The following COL26A1 variants were observed in gnomAD, a reference collection of about 807,000 sequenced individuals.
COL26A1 encodes collagen type XXVI alpha 1 chain.
A neutral mutation model predicts 59.3 loss-of-function variants in COL26A1; 41 were observed. The observed-to-expected ratio is 0.69, with a 90% CI of 0.54 to 0.90. The LOEUF (loss-of-function observed/expected upper bound fraction) is 0.90, where lower values mean the gene tolerates loss of function less well. Among genes scored for constraint, COL26A1 ranks in the 40% least tolerant of loss-of-function variants. The pLI, the probability that COL26A1 is intolerant of heterozygous loss-of-function variation, is 0.00. For missense variants in COL26A1, 612 were observed against 602.3 expected, an observed-to-expected ratio of 1.02 and a Z score of -0.17; for synonymous variants, 266 against 256.0, an observed-to-expected ratio of 1.04 and a Z score of -0.37.
intron 1 of COL26A1, among the ~76,000 whole-genome samples, chr7:101,384,413 A>T (rs1018793238): frequency 2.6e-5 from 4 of 151,830 alleles, no homozygotes; most frequent in African/African-American, 9.7e-5. Context: ...TTTTTAGTAG[A>T]GATGGGGTTT....
intron 1 of COL26A1, among the ~76,000 whole-genome samples, chr7:101,376,391 AG>A (rs1165337678): frequency 6.6e-5 from 10 of 152,144 alleles, no homozygotes; most frequent in Non-Finnish European, 1.5e-4. Context: ...GCCTTTTGCC[AG>A]GGTGGTGTCT....
At chr7:101,530,441 G>A (rs1023094505) in intron 3 of COL26A1, among the ~76,000 whole-genome samples, 9 of 151,568 alleles carry the variant, frequency 5.9e-5, no homozygotes, top group African/African-American at 2.2e-4. Context: ...GGTGATGCGT[G>A]CCTGTAATCC....
At chr7:101,381,711 C>T (rs73412999) in intron 1 of COL26A1, among the ~76,000 whole-genome samples, 20 of 152,332 alleles carry the variant, frequency 1.3e-4, no homozygotes, top group African/African-American at 4.3e-4. Flanking sequence ...TAGGCCCCAC[C>T]TCCCAACACT....
At chr7:101,440,601 C>T (rs753231330) in intron 2 of COL26A1, among the ~76,000 whole-genome samples, 7 of 152,164 alleles carry the variant, frequency 4.6e-5, no homozygotes, top group South Asian at 2.1e-4. Context: ...GTGTGCCCCA[C>T]GCCTGGACTT....
chr7:101,458,298 CT>C (rs1430621765), intron 3 of COL26A1, among the ~76,000 whole-genome samples: 2 of 152,268 alleles, frequency 1.3e-5, no homozygotes, highest in South Asian at 4.1e-4. Context: ...ACTTCATCAC[CT>C]TTACCAATAT....
intron 5 of COL26A1, among the ~76,000 whole-genome samples, chr7:101,540,250 C>T (rs185580879): frequency 1.5e-4 from 23 of 152,224 alleles, no homozygotes; most frequent in Admixed American, 1.2e-3. Context: ...AAGAAGTAGA[C>T]GATCTGGTCA....
At chr7:101,551,330 C>T (rs373928483) in intron 10 of COL26A1, among the ~76,000 whole-genome samples, 187 bp downstream of exon 10, 10 of 152,276 alleles carry the variant, frequency 6.6e-5, no homozygotes, top group African/African-American at 1.9e-4. Context: ...AGGAGGGAAG[C>T]GACCTCCAGA....
chr7:101,497,247 C>T (rs952616195), intron 3 of COL26A1, among the ~76,000 whole-genome samples: 1 of 152,122 alleles, frequency 6.6e-6, no homozygotes, highest in African/African-American at 2.4e-5. Flanking sequence ...TCAAAAAACA[C>T]AAACAGAAAT....
At chr7:101,557,022 TGGATGGATGGATGGATGGATGGAC>T (rs1375012523) in intron 12 of COL26A1, among the ~76,000 whole-genome samples, 44 of 55,894 alleles carry the variant, frequency 7.9e-4, no homozygotes, top group Admixed American at 2.1e-3. Flanking sequence ...GATGGATGGA[TGGATGGATGGATGGATGGATGGAC>T]GGGCAGGTAA....
chr7:101,443,872 CTTTTTTT>C (rs11352431), intron 2 of COL26A1, among the ~76,000 whole-genome samples: 4 of 124,764 alleles, frequency 3.2e-5, no homozygotes, highest in Non-Finnish European at 5.0e-5. Flanking sequence ...TTTTTCTTTT[CTTTTTTT>C]TTTTTTTTTC....
intron 3 of COL26A1, among the ~76,000 whole-genome samples, chr7:101,494,288 G>C (rs1262572623): frequency 6.6e-6 from 1 of 151,918 alleles, no homozygotes; most frequent in African/African-American, 2.4e-5. Flanking sequence ...CACCATGCCC[G>C]GCTAATTTTT....
chr7:101,440,557 G>A (rs142916262), intron 2 of COL26A1, among the ~76,000 whole-genome samples: 2 of 152,290 alleles, frequency 1.3e-5, no homozygotes, highest in Non-Finnish European at 2.9e-5. Context: ...CTGAGTCTTG[G>A]CCGGTTGGGA....
At chr7:101,464,955 T>C (rs1442896494) in intron 3 of COL26A1, among the ~76,000 whole-genome samples, 2 of 151,074 alleles carry the variant, frequency 1.3e-5, no homozygotes, top group African/African-American at 4.9e-5. Flanking sequence ...CAAGTGATCC[T>C]CCCACCTCAG....
intron 3 of COL26A1, among the ~76,000 whole-genome samples, chr7:101,527,591 C>T (rs1795275001): frequency 6.6e-6 from 1 of 152,130 alleles, no homozygotes; most frequent in Non-Finnish European, 1.5e-5. Flanking sequence ...ACCTCAGCCT[C>T]CCAAAGTGCT....
intron 3 of COL26A1, among the ~76,000 whole-genome samples, chr7:101,463,368 T>C (rs1435672076): frequency 6.6e-6 from 1 of 152,192 alleles, no homozygotes; most frequent in Non-Finnish European, 1.5e-5. Flanking sequence ...GGCTGAATGA[T>C]ATTCCACTGT....
At chr7:101,469,620 G>T (rs1465697719) in intron 3 of COL26A1, among the ~76,000 whole-genome samples, 1 of 151,962 alleles carries the variant, frequency 6.6e-6, no homozygotes, top group Non-Finnish European at 1.5e-5. Context: ...CTCCTGAGTA[G>T]CTGGGATTAC....
intron 1 of COL26A1, among the ~76,000 whole-genome samples, chr7:101,409,175 G>A (rs753282475): frequency 2.2e-4 from 33 of 152,290 alleles, no homozygotes; most frequent in African/African-American, 7.7e-4. Context: ...CTTGGCTGGG[G>A]TCTGAACCAC....
rs1482552425 is a variant in COL26A1, at chr7:101,557,565, G to A, written c.*35G>A. ...GCTCCAGGACACCCTGTCCTGGCTA[G>A]AGACCCAGCCCCAGAGGCCTGAGCC... On this transcript the variant is annotated 3_prime_UTR_variant, in exon 13 of 13. Coordinates refer to ENST00000313669, the MANE Select transcript of COL26A1 (RefSeq NM_001278563.3). 1.3e-6 allele frequency: 2 copies of A among 1,571,472 alleles called. No individual in the cohort carries two copies. Among genetic ancestry groups the A allele is most frequent in the South Asian group, 1.1e-5 (1 of 87,516 alleles).
In COL26A1 at chr7:101,473,645, C is replaced by T. The variant is rs548863736; in HGVS notation, c.385+25858C>T. Among the ~76,000 whole-genome samples the T allele has an allele frequency of 1.6e-3, 237 of 143,686 alleles. 1 individual carries two copies. The highest frequency in any genetic ancestry group is 0.014 in the Admixed American group (212 of 14,696). 94.3% of individuals were successfully genotyped at this position (143,686 alleles called of 152,430 possible). ...ACACACACACACACACACACACACA[C>T]ACACACACAAACACACACAACAAAA... is the stretch of plus-strand genomic sequence containing the variant. On this transcript the variant is annotated intron_variant, in intron 3 of 12. Coordinates refer to ENST00000313669, the MANE Select transcript of COL26A1 (RefSeq NM_001278563.3).
Sources: gnomAD v4.1 joint callset for allele counts (sites outside exome capture counted in the v4.1 genomes callset) on GRCh38, gnomAD v4.1.1 for gene constraint, MANE v1.5 for transcripts, NCBI Gene and HGNC (gene_info 2026-07-23, HGNC 2026-07-21) for gene names.